Variants in WRN observed in about 807,000 individuals in gnomAD.
The protein encoded by WRN is WRN RecQ like helicase, also known as bifunctional 3'-5' exonuclease/ATP-dependent helicase WRN.
A neutral mutation model predicts 180.7 loss-of-function variants in WRN; 149 were observed. That is an observed-to-expected ratio of 0.82 (90% CI 0.72 to 0.94). WRN has a LOEUF of 0.94. Among genes scored for constraint, WRN ranks in the 40% least tolerant of loss-of-function variants. WRN has a pLI of 0.00. For missense variants in WRN, 1,661 were observed against 1,700.1 expected, an observed-to-expected ratio of 0.98 and a Z score of 0.40; for synonymous variants, 548 against 568.9, an observed-to-expected ratio of 0.96 and a Z score of 0.52.
intron 9 of WRN, 52 bp from the exon 10 acceptor site, chr8:31,083,647 A>T (rs1813408219): frequency 2.1e-6 from 3 of 1,446,014 alleles, no homozygotes. Flanking sequence ...TGCAGAAAAG[A>T]GGATATGAAG....
At chr8:31,141,284 A>G in intron 24 of WRN, 146 bp from the exon 25 acceptor site, 1 of 923,168 alleles carries the variant, frequency 1.1e-6, no homozygotes, top group Non-Finnish European at 1.6e-6. Context: ...AGTGTTCAGA[A>G]TGAGCACGAT....
intron 5 of WRN, among the ~76,000 whole-genome samples, chr8:31,066,252 C>A (rs1342575617): frequency 2.6e-5 from 4 of 152,044 alleles, no homozygotes; most frequent in Non-Finnish European, 5.9e-5. Flanking sequence ...GTGGTGCAAT[C>A]TTGGCTCACT....
intron 33 of WRN, among the ~76,000 whole-genome samples, chr8:31,163,336 T>C (rs1803712003): frequency 6.6e-6 from 1 of 152,246 alleles, no homozygotes; most frequent in African/African-American, 2.4e-5. Context: ...CACAAAGTTA[T>C]CGAACTTTAG....
At chr8:31,051,824 G>A (rs1208131336) in intron 1 of WRN, among the ~76,000 whole-genome samples, 2 of 152,186 alleles carry the variant, frequency 1.3e-5, no homozygotes, top group African/African-American at 2.4e-5. Flanking sequence ...TTTTATCTGT[G>A]TTCTGTAGTC....
intron 1 of WRN, among the ~76,000 whole-genome samples, chr8:31,047,976 T>A (rs1811932887): frequency 6.6e-6 from 1 of 152,240 alleles, no homozygotes; most frequent in South Asian, 2.1e-4. Flanking sequence ...ACGTAGCTTT[T>A]ATCCTTTACC....
At chr8:31,034,227 C>T (rs1811355071) in intron 1 of WRN, among the ~76,000 whole-genome samples, 1 of 152,120 alleles carries the variant, frequency 6.6e-6, no homozygotes, top group Non-Finnish European at 1.5e-5. Flanking sequence ...GTTTACCTTG[C>T]GCGCTTAGTT....
intron 34 of WRN, among the ~76,000 whole-genome samples, chr8:31,168,589 T>C (rs752428521): frequency 9.2e-5 from 14 of 151,988 alleles, no homozygotes; most frequent in African/African-American, 3.1e-4. Context: ...TTTGGCCCCT[T>C]TTCCCCATTT....
intron 30 of WRN, among the ~76,000 whole-genome samples, chr8:31,149,461 T>G (rs1387218220): frequency 1.6e-4 from 4 of 24,298 alleles, no homozygotes; most frequent in Admixed American, 5.7e-4. Context: ...AGGTGTTTTT[T>G]TTTTTTTTTT....
intron 1 of WRN, among the ~76,000 whole-genome samples, chr8:31,049,960 G>C (rs1216592121): frequency 6.6e-6 from 1 of 151,708 alleles, no homozygotes; most frequent in African/African-American, 2.4e-5. Context: ...CATAAGACAA[G>C]TAATATAATA....
At chr8:31,127,167 T>G (rs1801959062) in intron 23 of WRN, among the ~76,000 whole-genome samples, 1 of 152,204 alleles carries the variant, frequency 6.6e-6, no homozygotes, top group African/African-American at 2.4e-5. Flanking sequence ...ATAATACCAA[T>G]TCTATAGCAT....
intron 7 of WRN, among the ~76,000 whole-genome samples, chr8:31,072,680 G>A (rs757413302): frequency 2.0e-5 from 3 of 152,192 alleles, no homozygotes; most frequent in Admixed American, 1.3e-4. Context: ...AATAACGAAG[G>A]CATGTGTAAA....
chr8:31,141,569 A>G lies in WRN; in HGVS notation c.3107A>G (p.Lys1036Arg), dbSNP rs773176431. 1.9e-6 allele frequency: 3 copies of G among 1,614,152 alleles called. No individual in the cohort carries two copies. The East Asian group carries it at 6.7e-5, about 36-fold the overall frequency. The stretch of plus-strand genomic sequence containing the variant: ...TTGGTAGAAGTTTCTCGGTATAACA[A>G]ATTTATGAAGATTTGCGCCCTTACG... ...GFLVEVSRYNKFMKICALTKK... is the reference protein window; with the variant it reads ...GFLVEVSRYNRFMKICALTKK... Residue 1036 changes from lysine to arginine, a missense_variant, in exon 25 of 35, where the codon AAA (lysine) becomes AGA (arginine). This residue lies in a region of WRN where 1,141 missense variants were observed against 1,149.4 expected (regional missense o/e 0.99). Transcript: ENST00000298139.
rs763538154 is a variant in WRN at position 31,167,178 on chromosome 8, A to G, written c.4139A>G (p.Glu1380Gly). Residue 1380 changes from glutamate to glycine, a missense_variant, in exon 34 of 35, where the codon GAG becomes GGG. Transcript: ENST00000298139. Reference protein sequence around the residue: ...NKRRCFPGSEEICSSSKRSKE... With the variant: ...NKRRCFPGSEGICSSSKRSKE... ...AGGAGATGTTTTCCCGGTTCTGAAG[A>G]GATCTGTTCAAGTTCTAAGAGAAGC... The G allele has an allele frequency of 1.6e-5, 26 of 1,613,220 alleles. No individual in the cohort carries two copies. Among genetic ancestry groups the G allele is most frequent in the Non-Finnish European group, 2.2e-5 (26 of 1,179,472 alleles).
At chr8:31,087,093 A>G (rs1287103226) in intron 11 of WRN, among the ~76,000 whole-genome samples, 2 of 152,144 alleles carry the variant, frequency 1.3e-5, no homozygotes, top group African/African-American at 4.8e-5. Context: ...TATTAAATAA[A>G]AGATTTAATA....
intron 7 of WRN, among the ~76,000 whole-genome samples, chr8:31,071,690 C>G (rs935646372): frequency 2.0e-5 from 3 of 152,098 alleles, no homozygotes; most frequent in African/African-American, 7.2e-5. Flanking sequence ...CCATGTTGGC[C>G]AGGCTGGTCT....
At chr8:31,116,674 C>A in intron 20 of WRN, 146 bp downstream of exon 20, 2 of 1,145,164 alleles carry the variant, frequency 1.7e-6, no homozygotes, top group Admixed American at 2.0e-5. Flanking sequence ...AACAAACTTG[C>A]AGATTAGTAT....
chr8:31,059,910 G>A (rs1472095682), intron 3 of WRN, among the ~76,000 whole-genome samples: 1 of 152,096 alleles, frequency 6.6e-6, no homozygotes, highest in Non-Finnish European at 1.5e-5. Flanking sequence ...CAAAAAATTA[G>A]CCAGGTGTGG....
intron 3 of WRN, among the ~76,000 whole-genome samples, chr8:31,062,301 T>C (rs956137761): frequency 5.3e-5 from 8 of 152,122 alleles, no homozygotes; most frequent in African/African-American, 9.7e-5. Context: ...TTTTTAAATA[T>C]AGTTTCAATT....
intron 8 of WRN, among the ~76,000 whole-genome samples, chr8:31,078,153 A>G (rs1037043315): frequency 2.0e-5 from 3 of 152,230 alleles, no homozygotes; most frequent in Non-Finnish European, 4.4e-5. Flanking sequence ...TGGGTATGAC[A>G]AGAATTATCA....
Sources: allele counts gnomAD v4.1 joint callset (sites outside exome capture counted in the v4.1 genomes callset), GRCh38; gene constraint gnomAD v4.1.1; regional missense constraint gnomAD v4.1.1; transcripts MANE v1.5; gene names NCBI Gene and HGNC (gene_info 2026-07-23, HGNC 2026-07-21).